Variants in DOCK2 observed in about 807,000 individuals in gnomAD.
DOCK2 encodes dedicator of cytokinesis protein 2.
Under a neutral mutation model 248.9 loss-of-function variants are expected in DOCK2, and 87 were observed. The ratio of observed to expected loss-of-function variants is 0.35; its 90% CI spans 0.29 to 0.42. The LOEUF (loss-of-function observed/expected upper bound fraction) is 0.42. DOCK2 is among the 10% of genes least tolerant of loss of function. The pLI is 1.00. For synonymous variants in DOCK2, 805 were observed against 821.6 expected (o/e 0.98, Z 0.35); for missense variants, 1,747 against 2,300.2 (o/e 0.76, Z 4.92).
At chr5:169,785,794 T>C (rs1581186409) in intron 25 of DOCK2, among the ~76,000 whole-genome samples, 1 of 152,184 alleles carries the variant, frequency 6.6e-6, no homozygotes, top group African/African-American at 2.4e-5. Flanking sequence ...CCTCTTCCTG[T>C]GGGCTTCTTC....
chr5:170,041,262 G>A lies in DOCK2; in HGVS notation c.3756+117G>A, dbSNP rs976509181. On this transcript the variant is annotated intron_variant, in intron 37 of 51. Transcript: ENST00000520908. ...GAATCCAAATATTTTGTTTTGCCCT[G>A]TGTCTCCAAACTCTTGAGCTGGCAG... 38 of 927,214 alleles carry A rather than the reference G, an allele frequency of 4.1e-5. No individual in the cohort carries two copies. The African/African-American group carries it at 4.4e-4, about 11-fold the overall frequency. 57.4% of individuals were successfully genotyped at this position (927,214 alleles called of 1,614,324 possible).
intron 27 of DOCK2, among the ~76,000 whole-genome samples, chr5:169,854,572 G>A (rs1479401432): frequency 1.3e-5 from 2 of 152,228 alleles, no homozygotes; most frequent in Non-Finnish European, 2.9e-5. Context: ...AATGATAGAG[G>A]TGATGTGTGG....
At chr5:170,008,877 C>T in intron 32 of DOCK2, 131 bp downstream of exon 32, 1 of 1,100,980 alleles carries the variant, frequency 9.1e-7, no homozygotes, top group Non-Finnish European at 1.4e-6. Flanking sequence ...TGTGTGTACC[C>T]CAGTTCCTAA....
intron 27 of DOCK2, among the ~76,000 whole-genome samples, chr5:169,942,362 G>A (rs1378232820): frequency 7.2e-5 from 11 of 152,202 alleles, no homozygotes; most frequent in Non-Finnish European, 1.0e-4. Flanking sequence ...TGGGTAGGAG[G>A]AGAAATATGT....
At chr5:170,069,941 G>C (rs902563840) in intron 46 of DOCK2, among the ~76,000 whole-genome samples, 1 of 151,742 alleles carries the variant, frequency 6.6e-6, no homozygotes, top group Non-Finnish European at 1.5e-5. Context: ...TTGCCTCTCT[G>C]TCTTTTGCCC....
intron 2 of DOCK2, among the ~76,000 whole-genome samples, chr5:169,664,250 T>A (rs1480087775): frequency 1.3e-5 from 2 of 152,226 alleles, no homozygotes; most frequent in Non-Finnish European, 2.9e-5. Flanking sequence ...AAGAAGTTCC[T>A]CATTTCCATC....
chr5:169,678,467 C>T (rs1759465105), intron 6 of DOCK2, among the ~76,000 whole-genome samples: 1 of 152,012 alleles, frequency 6.6e-6, no homozygotes, highest in Non-Finnish European at 1.5e-5. Context: ...TTTCACCAGT[C>T]TCTACCAGGC....
intron 29 of DOCK2, among the ~76,000 whole-genome samples, chr5:169,995,774 G>T (rs150517075): frequency 0.011 from 1,703 of 150,940 alleles, 30 homozygotes; most frequent in African/African-American, 0.037. Context: ...GTTTGGGGAT[G>T]GGGGGGGTGA....
At chr5:169,961,071 TGA>T (rs1290333206) in intron 27 of DOCK2, among the ~76,000 whole-genome samples, 3 of 152,076 alleles carry the variant, frequency 2.0e-5, no homozygotes, top group African/African-American at 4.8e-5. Context: ...ATTGCATGAG[TGA>T]GTGATGGTAG....
At chr5:169,802,273 T>G (rs1767046374) in intron 25 of DOCK2, among the ~76,000 whole-genome samples, 1 of 152,228 alleles carries the variant, frequency 6.6e-6, no homozygotes, top group African/African-American at 2.4e-5. Context: ...GTGATTCTCC[T>G]GCCTCAGCCT....
intron 27 of DOCK2, among the ~76,000 whole-genome samples, chr5:169,976,483 C>A (rs1387874339): frequency 1.3e-5 from 2 of 152,080 alleles, no homozygotes; most frequent in Non-Finnish European, 2.9e-5. Flanking sequence ...AATGTAGGGC[C>A]CTGGGCAAAA....
At chr5:169,675,050 G>T (rs560272415) in intron 6 of DOCK2, among the ~76,000 whole-genome samples, 2 of 152,198 alleles carry the variant, frequency 1.3e-5, no homozygotes, top group African/African-American at 2.4e-5. Context: ...TGTTTTGCAG[G>T]CATTGTCTCA....
chr5:169,649,428 A>T (rs753718349), intron 1 of DOCK2, among the ~76,000 whole-genome samples: 10 of 152,240 alleles, frequency 6.6e-5, no homozygotes, highest in Non-Finnish European at 1.5e-4. Context: ...GCTGCCCTTC[A>T]TGTTCATTCA....
At chr5:169,792,596 G>A (rs545156190) in intron 25 of DOCK2, among the ~76,000 whole-genome samples, 3 of 152,140 alleles carry the variant, frequency 2.0e-5, no homozygotes, top group African/African-American at 7.2e-5. Flanking sequence ...GCAGGTGCAT[G>A]CCCAGCACCC....
intron 23 of DOCK2, among the ~76,000 whole-genome samples, chr5:169,751,643 C>T (rs1294172001): frequency 1.3e-5 from 2 of 152,202 alleles, no homozygotes; most frequent in Non-Finnish European, 2.9e-5. Context: ...CAAGTTATTG[C>T]CCATCTCTAA....
At chr5:169,742,852 C>T (rs1272302661) in intron 22 of DOCK2, among the ~76,000 whole-genome samples, 2 of 152,224 alleles carry the variant, frequency 1.3e-5, no homozygotes, top group Non-Finnish European at 2.9e-5. Context: ...TATCCAAGCC[C>T]TGGGAGCCGG....
intron 22 of DOCK2, among the ~76,000 whole-genome samples, chr5:169,739,059 C>G (rs906683973): frequency 6.6e-6 from 1 of 152,128 alleles, no homozygotes; most frequent in African/African-American, 2.4e-5. Context: ...GCACCATTAG[C>G]AAGGAAAATG....
In DOCK2 at chr5:169,929,571, TAAC is replaced by T. The variant is rs571979151; in HGVS notation, c.2800-53479_2800-53477del. Among the ~76,000 whole-genome samples, 1,011 of 151,638 alleles carry T rather than the reference TAAC, an allele frequency of 6.7e-3. 3 individuals are homozygous for T. The highest frequency in any genetic ancestry group is 0.012 in the Non-Finnish European group (783 of 67,834). ...GGGCAACATGATGAAACCTTGTCTC[TAAC>T]AACAACAACAACAACAAAATTAGCT... On this transcript the variant is annotated intron_variant, in intron 27 of 51. Coordinates refer to ENST00000520908, the MANE Select transcript of DOCK2 (RefSeq NM_004946.3).
intron 27 of DOCK2, among the ~76,000 whole-genome samples, chr5:169,940,483 G>A (rs1454982944): frequency 6.6e-6 from 1 of 152,136 alleles, no homozygotes; most frequent in African/African-American, 2.4e-5. Flanking sequence ...ATTTCTATTA[G>A]TATTATATTT....
Sources: allele counts gnomAD v4.1 joint callset (sites outside exome capture counted in the v4.1 genomes callset), GRCh38; gene constraint gnomAD v4.1.1; transcripts MANE v1.5; gene names NCBI Gene and HGNC (gene_info 2026-07-23, HGNC 2026-07-21).